SSR3: variants seen among roughly 807,000 people sequenced by gnomAD.
SSR3 encodes signal sequence receptor subunit 3.
In SSR3, 10 loss-of-function variants were observed where a neutral mutation model predicts 22.1. The observed-to-expected ratio is 0.45, with a 90% confidence interval of 0.28 to 0.77. The LOEUF (loss-of-function observed/expected upper bound fraction) is 0.77, where lower values mean the gene tolerates loss of function less well. Among genes scored for constraint, SSR3 ranks in the 30% least tolerant of loss-of-function variants. SSR3 has a pLI of 0.13. For missense variants in SSR3, 181 were observed against 220.5 expected (o/e 0.82, Z 1.13); for synonymous variants, 104 against 82.5 (o/e 1.26, Z -1.42).
chr3:156,548,133 C>G (rs1719826084), intron 3 of SSR3, among the ~76,000 whole-genome samples: 1 of 152,160 alleles, frequency 6.6e-6, no homozygotes, highest in African/African-American at 2.4e-5. Context: ...AACAAAAGAT[C>G]CATGAAAACC....
intron 1 of SSR3, among the ~76,000 whole-genome samples, chr3:156,554,430 T>C (rs1007130448): frequency 6.6e-6 from 1 of 152,112 alleles, no homozygotes. Flanking sequence ...ATAAATAAGG[T>C]AGATCCCTAA....
At chr3:156,545,826 A>G (rs1290060383) in intron 3 of SSR3, among the ~76,000 whole-genome samples, 1 of 152,230 alleles carries the variant, frequency 6.6e-6, no homozygotes, top group Non-Finnish European at 1.5e-5. Flanking sequence ...AGTTCCAGGA[A>G]ACATGTCATT....
Position 156,543,038 on chromosome 3 carries a change from T to G in SSR3, c.*165A>C. 2.0e-6 allele frequency: 1 copy of G among 500,448 alleles called. No individual in the cohort carries two copies. Among genetic ancestry groups the G allele is most frequent in the Non-Finnish European group, 3.5e-6 (1 of 282,232 alleles). The allele number at this position is 500,448 out of a possible 1,614,324, so 31.0% of individuals were successfully genotyped here. ...CAATTCATTTAATTTCAACAATCTG[T>G]CAAAAAACAGCCAATAAACAAATAC... On this transcript the variant is annotated 3_prime_UTR_variant, in exon 5 of 5. Coordinates refer to ENST00000265044, the MANE Select transcript of SSR3 (RefSeq NM_007107.5).
intron 2 of SSR3, among the ~76,000 whole-genome samples, chr3:156,552,987 T>C (rs932323622): frequency 2.3e-4 from 35 of 152,152 alleles, no homozygotes; most frequent in African/African-American, 8.4e-4. Flanking sequence ...TCCTTTACAT[T>C]TTATACACTT....
At chr3:156,551,723 G>T (rs1004753226) in intron 2 of SSR3, among the ~76,000 whole-genome samples, 1 of 152,120 alleles carries the variant, frequency 6.6e-6, no homozygotes, top group Non-Finnish European at 1.5e-5. Flanking sequence ...CTCATTCCCC[G>T]AAAGAGTCTA....
At chr3:156,551,231 T>C (rs1217008895) in intron 2 of SSR3, among the ~76,000 whole-genome samples, 2 of 152,004 alleles carry the variant, frequency 1.3e-5, no homozygotes, top group African/African-American at 2.4e-5. Context: ...TTAAGGAGTA[T>C]AAAATATGGC....
chr3:156,553,519 C>T, intron 2 of SSR3, 136 bp downstream of exon 2: 1 of 867,876 alleles, frequency 1.2e-6, no homozygotes, highest in Non-Finnish European at 1.7e-6. Context: ...CATCAATGTT[C>T]CTTTCCCCCA....
Position 156,541,075 on chromosome 3 carries a change from AT to A in SSR3, c.*2127del. 2 of 152,296 alleles carry A rather than the reference AT, an allele frequency of 1.3e-5. No individual in the cohort carries two copies. Among genetic ancestry groups the A allele is most frequent in the South Asian group, 2.1e-4 (1 of 4,822 alleles). The allele number at this position is 152,296 out of a possible 1,614,324, so 9.4% of individuals were successfully genotyped here. A position where few individuals can be genotyped will look rare whatever the true frequency, so the allele number is the denominator to read the frequency against. ...AGGAAAAATTCACAACAGTAAACAA[AT>A]TTTGCTCACTCATTTTCCTACAAAT... On this transcript the variant is annotated 3_prime_UTR_variant, in exon 5 of 5. Transcript: ENST00000265044.
At chr3:156,546,666 G>C (rs554923536) in intron 3 of SSR3, among the ~76,000 whole-genome samples, 1 of 152,176 alleles carries the variant, frequency 6.6e-6, no homozygotes, top group Non-Finnish European at 1.5e-5. Context: ...TTTCTTCCTA[G>C]TAGGGAACGT....
chr3:156,549,684 ATT>A (rs761453870), intron 2 of SSR3, among the ~76,000 whole-genome samples: 6 of 152,352 alleles, frequency 3.9e-5, no homozygotes, highest in Admixed American at 2.0e-4. Flanking sequence ...TAGAATTGAC[ATT>A]GTTATTAATA....
chr3:156,554,174 C>G (rs554960120), intron 1 of SSR3: 2 of 160,314 alleles, frequency 1.2e-5, no homozygotes, highest in East Asian at 3.6e-4. Flanking sequence ...TGGCTGTTAT[C>G]AGAACTCCAA....
intron 4 of SSR3, 154 bp downstream of exon 4, chr3:156,544,154 T>C: frequency 1.9e-6 from 1 of 518,548 alleles, no homozygotes; most frequent in South Asian, 7.1e-5. Context: ...GCTGTTATTT[T>C]AAATGTCCAG....
At chr3:156,552,087 G>A (rs946970125) in intron 2 of SSR3, among the ~76,000 whole-genome samples, 4 of 152,100 alleles carry the variant, frequency 2.6e-5, no homozygotes, top group Non-Finnish European at 5.9e-5. Context: ...GATCACTTGA[G>A]CCCAGAAGTT....
rs34935024 is a variant in SSR3, at chr3:156,540,460, G to A, written c.*2743C>T. On this transcript the variant is annotated 3_prime_UTR_variant, in exon 5 of 5. Coordinates refer to ENST00000265044, the MANE Select transcript of SSR3 (RefSeq NM_007107.5). ...CTCTACTAAAAATACAAAAAAATTAGCCGGGTGTGGTGGCGGGCGCCTGTA... is the reference window on the plus strand; with the variant it reads ...CTCTACTAAAAATACAAAAAAATTAACCGGGTGTGGTGGCGGGCGCCTGTA... 3 of 151,988 alleles carry A rather than the reference G, an allele frequency of 2.0e-5. No individual in the cohort carries two copies. Among genetic ancestry groups the A allele is most frequent in the African/African-American group, 7.2e-5 (3 of 41,392 alleles). The allele number at this position is 151,988 out of a possible 1,614,324, so 9.4% of individuals were successfully genotyped here.
chr3:156,554,664 TAG>T (rs1720084138), intron 1 of SSR3: 2 of 408,650 alleles, frequency 4.9e-6, no homozygotes, highest in Admixed American at 4.0e-5. Context: ...TCTGTTTAAA[TAG>T]AGATTCGGGG....
In SSR3 at chr3:156,542,951, C is replaced by G. The variant is rs1719618067; in HGVS notation, c.*252G>C. The G allele has an allele frequency of 9.7e-6, 4 of 414,338 alleles. No homozygotes were observed. Among genetic ancestry groups the G allele is most frequent in the Middle Eastern group, 6.3e-4 (1 of 1,590 alleles). 25.7% of individuals were successfully genotyped at this position (414,338 alleles called of 1,614,324 possible). ...AAGTTATTTTCTCCTCTTGTGATTA[C>G]AGCACATTGCAAGACATTTTTTTCC... On this transcript the variant is annotated 3_prime_UTR_variant, in exon 5 of 5. Transcript: ENST00000265044.
At chr3:156,554,091 G>T (rs1720063535) in intron 1 of SSR3, 1 of 211,064 alleles carries the variant, frequency 4.7e-6, no homozygotes, top group African/African-American at 2.3e-5. Flanking sequence ...CATTCATCAG[G>T]GTACTAGCAT....
chr3:156,549,307 T>C (rs181459717), intron 2 of SSR3, among the ~76,000 whole-genome samples: 48 of 152,346 alleles, frequency 3.2e-4, no homozygotes, highest in African/African-American at 1.1e-3. Context: ...CACAATTTAG[T>C]TAAGAATCAT....
chr3:156,544,250 C>A, intron 4 of SSR3, 58 bp downstream of exon 4: 1 of 1,424,510 alleles, frequency 7.0e-7, no homozygotes, highest in Non-Finnish European at 9.2e-7. Context: ...AAGTCAAAAC[C>A]AAAATGAACT....
Sources: gnomAD v4.1 joint callset for allele counts (sites outside exome capture counted in the v4.1 genomes callset) on GRCh38, gnomAD v4.1.1 for gene constraint, MANE v1.5 for transcripts, NCBI Gene and HGNC (gene_info 2026-07-23, HGNC 2026-07-21) for gene names.